The following SHROOM3 variants were observed in gnomAD, a reference collection of about 807,000 sequenced individuals.
SHROOM3 encodes the protein shroom family member 3, also known as protein Shroom3.
Under a neutral mutation model 138.6 loss-of-function variants are expected in SHROOM3, and 47 were observed. The ratio of observed to expected loss-of-function variants is 0.34; its 90% CI spans 0.27 to 0.43. SHROOM3 has a LOEUF of 0.43. Among genes scored for constraint, SHROOM3 ranks in the 20% least tolerant of loss-of-function variants. The pLI, the probability that SHROOM3 is intolerant of heterozygous loss-of-function variation, is 1.00. For missense variants in SHROOM3, 2,491 were observed against 2,596.5 expected, an observed-to-expected ratio of 0.96 and a Z score of 0.88; for synonymous variants, 1,062 against 1,063.3, an observed-to-expected ratio of 1.00 and a Z score of 0.02.
intron 2 of SHROOM3, among the ~76,000 whole-genome samples, chr4:76,700,543 C>T (rs1391463071): frequency 6.6e-6 from 1 of 152,138 alleles, no homozygotes; most frequent in South Asian, 2.1e-4. Flanking sequence ...GGACTTATGG[C>T]GTGTATGTAT....
At chr4:76,633,097 G>A (rs564017885) in intron 2 of SHROOM3, among the ~76,000 whole-genome samples, 6 of 152,022 alleles carry the variant, frequency 3.9e-5, no homozygotes, top group Non-Finnish European at 5.9e-5. Context: ...GCAGCCGAGC[G>A]CGGTGGCTCA....
chr4:76,460,472 T>A (rs1731117292), intron 1 of SHROOM3, among the ~76,000 whole-genome samples: 1 of 152,164 alleles, frequency 6.6e-6, no homozygotes, highest in African/African-American at 2.4e-5. Context: ...TGTTTATTAG[T>A]TTATTAGAGC....
intron 1 of SHROOM3, among the ~76,000 whole-genome samples, chr4:76,502,334 A>G (rs1302211179): frequency 6.6e-6 from 1 of 152,236 alleles, no homozygotes; most frequent in Non-Finnish European, 1.5e-5. Flanking sequence ...GAGACACTCT[A>G]GCAAATTAAT....
At chr4:76,454,646 G>T (rs1197798670) in intron 1 of SHROOM3, among the ~76,000 whole-genome samples, 1 of 152,038 alleles carries the variant, frequency 6.6e-6, no homozygotes, top group Non-Finnish European at 1.5e-5. Context: ...CTTAGTACTT[G>T]GGGTCCTTTA....
intron 1 of SHROOM3, among the ~76,000 whole-genome samples, chr4:76,507,539 C>CT (rs5859518): frequency 0.29 from 39,731 of 139,080 alleles, 6,295 homozygotes; most frequent in African/African-American, 0.41. Flanking sequence ...TTGTATCTCT[C>CT]TTTTTTTTTT....
rs766085816 is a variant in SHROOM3 at position 76,754,906 on chromosome 4, C to T, written c.4423C>T (p.Pro1475Ser). The T allele has an allele frequency of 5.0e-6, 8 of 1,614,078 alleles. No homozygotes were observed. In the Admixed American group the frequency reaches 1.3e-4, roughly 27 times the overall value. ...SLCSTSDPDT[P>S]LGAPSTPGRI... is the part of the protein sequence containing the mutation. Reference sequence around the variant, plus strand: ...ATGCAGCACTTCTGACCCAGACACACCTCTTGGGGCCCCGAGCACTCCAGG... The same window carrying T: ...ATGCAGCACTTCTGACCCAGACACATCTCTTGGGGCCCCGAGCACTCCAGG... The change falls in exon 7 of 11, where the codon CCT becomes TCT. Residue 1475 changes from proline (P) to serine (S), a missense_variant. By Grantham distance (74) the Pro-to-Ser change is moderately conservative. This residue lies in a region of SHROOM3 where 1,733 missense variants were observed against 1,661.6 expected (regional missense o/e 1.04). Transcript: ENST00000296043.
intron 2 of SHROOM3, among the ~76,000 whole-genome samples, chr4:76,599,838 A>G (rs1228931767): frequency 1.3e-5 from 2 of 152,166 alleles, no homozygotes; most frequent in African/African-American, 2.4e-5. Context: ...GTGGAAATGG[A>G]CTTTGTTGGT....
chr4:76,557,491 G>A (rs1441309683), intron 2 of SHROOM3, among the ~76,000 whole-genome samples: 2 of 152,090 alleles, frequency 1.3e-5, no homozygotes, highest in Non-Finnish European at 2.9e-5. Context: ...TGTTGGTCAA[G>A]GGGTACAAAC....
At chr4:76,517,281 T>C (rs1422047300) in intron 1 of SHROOM3, among the ~76,000 whole-genome samples, 1 of 152,204 alleles carries the variant, frequency 6.6e-6, no homozygotes, top group East Asian at 1.9e-4. Flanking sequence ...CACCCCAGTT[T>C]ACATGCAGTT....
chr4:76,586,512 C>A, intron 2 of SHROOM3: 1 of 974,846 alleles, frequency 1.0e-6, no homozygotes, highest in Non-Finnish European at 1.2e-6. Context: ...GACATTATTT[C>A]TCCGTCGATG....
rs1722692995 is a variant in SHROOM3, at chr4:76,780,075, A to T, written c.*898A>T. ...ACGTCCAGAATCCAACAAAATTCAAACGGAGCCCATGCTGTTCTCCTGAAC... is the reference window on the plus strand; with the variant it reads ...ACGTCCAGAATCCAACAAAATTCAATCGGAGCCCATGCTGTTCTCCTGAAC... On this transcript the variant is annotated 3_prime_UTR_variant, in exon 11 of 11. Transcript: ENST00000296043. The T allele has an allele frequency of 6.6e-6, 1 of 152,206 alleles. No individual in the cohort carries two copies. Among genetic ancestry groups the T allele is most frequent in the Non-Finnish European group, 1.5e-5 (1 of 68,028 alleles). 9.4% of individuals were successfully genotyped at this position (152,206 alleles called of 1,614,324 possible).
chr4:76,465,431 G>A (rs1309641068), intron 1 of SHROOM3, among the ~76,000 whole-genome samples: 1 of 152,188 alleles, frequency 6.6e-6, no homozygotes, highest in South Asian at 2.1e-4. Context: ...TGAAAGCCAT[G>A]CCATTCTGCC....
Position 76,779,321 on chromosome 4 carries a change from G to C in SHROOM3, c.*144G>C. ...GAAAGGAAAAAAATTCTCTCCAGGA[G>C]GAAGCCTTTTTCCTTCTTGCCCTTC... is the stretch of plus-strand genomic sequence containing the variant. On this transcript the variant is annotated 3_prime_UTR_variant, in exon 11 of 11. Transcript: ENST00000296043. The C allele has an allele frequency of 8.6e-7, 1 of 1,158,698 alleles. No homozygotes were observed. The highest frequency in any genetic ancestry group is 1.6e-5 in the South Asian group (1 of 61,066). The allele number at this position is 1,158,698 out of a possible 1,614,324, so 71.8% of individuals were successfully genotyped here.
At chr4:76,440,645 T>C (rs565703815) in intron 1 of SHROOM3, among the ~76,000 whole-genome samples, 5 of 152,214 alleles carry the variant, frequency 3.3e-5, no homozygotes, top group African/African-American at 1.2e-4. Flanking sequence ...TCTCCACCTG[T>C]AGAGGCATTT....
intron 2 of SHROOM3, among the ~76,000 whole-genome samples, chr4:76,598,215 A>G (rs1309748710): frequency 1.3e-5 from 2 of 151,744 alleles, no homozygotes; most frequent in African/African-American, 4.8e-5. Context: ...TTTAGTAGAG[A>G]CGGGGTTTCA....
intron 1 of SHROOM3, among the ~76,000 whole-genome samples, chr4:76,472,699 CT>C (rs11349509): frequency 0.59 from 86,742 of 147,266 alleles, 25,355 homozygotes; most frequent in Admixed American, 0.66. Flanking sequence ...TTCTTTCTTT[CT>C]TTTTTTTTTT....
intron 2 of SHROOM3, among the ~76,000 whole-genome samples, chr4:76,574,230 T>G (rs1342501451): frequency 6.6e-6 from 1 of 152,174 alleles, no homozygotes; most frequent in Non-Finnish European, 1.5e-5. Context: ...CTTCTTGTCT[T>G]AGTTGGGAGG....
chr4:76,680,680 C>T (rs183876775), intron 2 of SHROOM3, among the ~76,000 whole-genome samples: 1 of 152,156 alleles, frequency 6.6e-6, no homozygotes, highest in East Asian at 1.9e-4. Flanking sequence ...ACATCTAGAA[C>T]TTCAGCAACT....
chr4:76,659,484 C>T (rs1305522233), intron 2 of SHROOM3, among the ~76,000 whole-genome samples: 2 of 152,230 alleles, frequency 1.3e-5, no homozygotes, highest in Non-Finnish European at 2.9e-5. Context: ...AGATTTTAGC[C>T]TACAGTTGTT....
Sources: gnomAD v4.1 joint callset for allele counts (sites outside exome capture counted in the v4.1 genomes callset) on GRCh38, gnomAD v4.1.1 for gene constraint, gnomAD v4.1.1 regional missense constraint, MANE v1.5 for transcripts, NCBI Gene and HGNC (gene_info 2026-07-23, HGNC 2026-07-21) for gene names.